MIDN: variants seen among roughly 807,000 people sequenced by gnomAD.
MIDN encodes midnolin.
In MIDN, 26 loss-of-function variants were observed where a neutral mutation model predicts 46.1. The ratio of observed to expected loss-of-function variants is 0.56; its 90% CI spans 0.41 to 0.78. The LOEUF is 0.78. Among genes scored for constraint, MIDN ranks in the 30% least tolerant of loss-of-function variants. The pLI, the probability that MIDN is intolerant of heterozygous loss-of-function variation, is 0.00. For synonymous variants in MIDN, 432 were observed against 343.3 expected, an observed-to-expected ratio of 1.26 and a Z score of -2.86; for missense variants, 850 against 771.8, an observed-to-expected ratio of 1.10 and a Z score of -1.20.
rs369704822 is a variant in MIDN at position 1,255,475 on chromosome 19, G to A, written c.1039G>A (p.Gly347Ser). The A allele has an allele frequency of 7.0e-5, 113 of 1,609,500 alleles. No individual in the cohort carries two copies. Among genetic ancestry groups the A allele is most frequent in the African/African-American group, 1.5e-4 (11 of 74,966 alleles). The change falls in exon 8 of 9, where the codon GGC becomes AGC. Residue 347 changes from glycine (G) to serine (S), a missense_variant. Transcript: ENST00000682408. Reference protein sequence around the residue: ...DSSGRPRRDIGTILQILNDLL... With the variant: ...DSSGRPRRDISTILQILNDLL... Reference sequence around the variant, plus strand: ...CAGCGGGCGGCCGCGGCGTGACATCGGCACCATCCTGCAGATCCTGAACGA... The same window carrying A: ...CAGCGGGCGGCCGCGGCGTGACATCAGCACCATCCTGCAGATCCTGAACGA...
At chr19:1,250,552 C>G in intron 2 of MIDN, 23 bp downstream of exon 2, 1 of 1,161,058 alleles carries the variant, frequency 8.6e-7, no homozygotes, top group African/African-American at 1.6e-5. Context: ...CGCCCCCGGC[C>G]GGCCGCCCCC....
intron 1 of MIDN, among the ~76,000 whole-genome samples, chr19:1,249,051 G>A: frequency 6.6e-6 from 1 of 150,922 alleles, no homozygotes. Flanking sequence ...GGGACTCCGG[G>A]CGGCGCTCCC....
chr19:1,254,924 C>T lies in MIDN; in HGVS notation c.848C>T (p.Ala283Val). Residue 283 changes from alanine (A) to valine (V), a missense_variant, in exon 7 of 9, where the codon GCC (alanine) becomes GTC (valine). Physicochemically the swap from Ala to Val is moderately conservative, Grantham distance 64. Coordinates refer to ENST00000682408, the MANE Select transcript of MIDN (RefSeq NM_001388306.1). ...CAGCAGATGGACTGCTCCCCCACGG[C>T]CAGCAGCAGTGCCAGTCCTGGTGCC... Reference protein sequence around the residue: ...CPEQMDCSPTASSSASPGAST... With the variant: ...CPEQMDCSPTVSSSASPGAST... The T allele has an allele frequency of 6.2e-7, 1 of 1,608,872 alleles. No individual in the cohort carries two copies. The highest frequency in any genetic ancestry group is 8.5e-7 in the Non-Finnish European group (1 of 1,177,650).
chr19:1,254,869 AC>A, intron 6 of MIDN, 32 bp from the exon 7 acceptor site: 2 of 1,576,924 alleles, frequency 1.3e-6, no homozygotes, highest in Non-Finnish European at 8.6e-7. Flanking sequence ...CTGATCCTGG[AC>A]CCCGTGCTCA....
intron 6 of MIDN, 115 bp from the exon 7 acceptor site, chr19:1,254,787 C>A (rs912958374): frequency 1.6e-6 from 2 of 1,248,694 alleles, no homozygotes; most frequent in Non-Finnish European, 1.1e-6. Flanking sequence ...TATCTCTAAA[C>A]CCTGTGTTGA....
chr19:1,254,128 A>G, intron 5 of MIDN, 39 bp from the exon 6 acceptor site: 4 of 1,569,168 alleles, frequency 2.5e-6, no homozygotes, highest in Middle Eastern at 2.2e-4. Context: ...GGGGCGCCGC[A>G]AGCTGGGGCT....
At chr19:1,251,951 G>T (rs748827351) in intron 4 of MIDN, 50 bp downstream of exon 4, 19 of 1,534,644 alleles carry the variant, frequency 1.2e-5, no homozygotes, top group Middle Eastern at 1.7e-4. Context: ...GGAGCAGGGT[G>T]CCTTGGCCAC....
In MIDN at chr19:1,258,166, C is replaced by G. The variant is rs890129216; in HGVS notation, c.*894C>G. The G allele has an allele frequency of 2.6e-5, 4 of 152,584 alleles. No individual in the cohort carries two copies. The highest frequency in any genetic ancestry group is 9.7e-5 in the African/African-American group (4 of 41,438). 9.5% of individuals were successfully genotyped at this position (152,584 alleles called of 1,614,324 possible). A position where few individuals can be genotyped will look rare whatever the true frequency, so the allele number is the denominator to read the frequency against. Reference sequence around the variant, plus strand: ...ATAGACTATTAATTTTCTGACTGAGCCAATAGTGGTTGGGGAACTCTTGAA... The same window carrying G: ...ATAGACTATTAATTTTCTGACTGAGGCAATAGTGGTTGGGGAACTCTTGAA... On this transcript the variant is annotated 3_prime_UTR_variant, in exon 9 of 9. Transcript: ENST00000682408.
Position 1,254,295 on chromosome 19 carries a change from T to TGCGGCCGCCGCC in MIDN, c.645_656dup (p.Ala218_Ala221dup). On this transcript the variant is annotated inframe_insertion, in exon 6 of 9. Coordinates refer to ENST00000682408, the MANE Select transcript of MIDN (RefSeq NM_001388306.1). ...TGCAACACCGCCATGTGCTGGCCGC[T>TGCGGCCGCCGCC]GCGGCCGCCGCCGCTGCTGCGCGGG... 1 of 1,569,654 alleles carries TGCGGCCGCCGCC rather than the reference T, an allele frequency of 6.4e-7. No homozygotes were observed. The highest frequency in any genetic ancestry group is 8.6e-7 in the Non-Finnish European group (1 of 1,165,414).
In MIDN at chr19:1,255,499, G is replaced by A. The variant is rs1343315031; in HGVS notation, c.1063G>A (p.Asp355Asn). ...CGGCACCATCCTGCAGATCCTGAACGACCTCCTGAGCGCCACCCGGCACTA... is the reference window on the plus strand; with the variant it reads ...CGGCACCATCCTGCAGATCCTGAACAACCTCCTGAGCGCCACCCGGCACTA... ...DIGTILQILNDLLSATRHYQG... is the reference protein window; with the variant it reads ...DIGTILQILNNLLSATRHYQG... The change falls in exon 8 of 9, where the codon GAC becomes AAC. Residue 355 changes from aspartate to asparagine, a missense_variant. Physicochemically the swap from Asp to Asn is conservative, Grantham distance 23. Coordinates refer to ENST00000682408, the MANE Select transcript of MIDN (RefSeq NM_001388306.1). 3.1e-6 allele frequency: 5 copies of A among 1,611,524 alleles called. No individual in the cohort carries two copies. The highest frequency in any genetic ancestry group is 2.2e-5 in the East Asian group (1 of 44,850).
rs751948279 is a variant in MIDN, at chr19:1,250,431, G to A, written c.135G>A (p.Leu45=). Residue 45 remains leucine, a synonymous_variant, in exon 2 of 9, where the codon CTG becomes CTA. Transcript: ENST00000682408. ...IHSTTGTRYD[L]AVPPDETVEG... ...GCACCACGGGCACCCGCTACGACCT[G>A]GCCGTGCCGCCCGACGAGACGGTGG... 1 of 1,378,466 alleles carries A rather than the reference G, an allele frequency of 7.3e-7. No homozygotes were observed. Among genetic ancestry groups the A allele is most frequent in the Non-Finnish European group, 9.6e-7 (1 of 1,044,244 alleles). 85.4% of individuals were successfully genotyped at this position (1,378,466 alleles called of 1,614,324 possible). A position where few individuals can be genotyped will look rare whatever the true frequency, so the allele number is the denominator to read the frequency against.
chr19:1,251,297 C>G, intron 2 of MIDN: 1 of 489,168 alleles, frequency 2.0e-6, no homozygotes, highest in South Asian at 2.6e-5. Context: ...GAGAAAGTGC[C>G]TGGTTGGGGT....
chr19:1,251,640 G>C lies in MIDN; in HGVS notation c.312G>C (p.Ala104=), dbSNP rs769027981. 6.2e-7 allele frequency: 1 copy of C among 1,609,026 alleles called. No homozygotes were observed. The change falls in exon 3 of 9, where the codon GCG becomes GCC. Residue 104 remains alanine, a synonymous_variant. Coordinates refer to ENST00000682408, the MANE Select transcript of MIDN (RefSeq NM_001388306.1). ...SKLTLVPTVE[A]GLMSQASRPE... is the part of the protein sequence containing the mutation. ...TGACCTTGGTACCCACCGTGGAAGC[G>C]GGCCTCATGGTAAATGGCCATGGGG...
intron 6 of MIDN, 129 bp from the exon 7 acceptor site, chr19:1,254,773 A>G: frequency 8.9e-7 from 1 of 1,129,494 alleles, no homozygotes; most frequent in Admixed American, 2.3e-5. Context: ...ACCTTGGGCT[A>G]GTTTATCTCT....
chr19:1,258,894 GT>G lies in MIDN; in HGVS notation c.*1628del, dbSNP rs1338877713. ...CCTATTTAAATGTGTGTTCTGTTTTGTTTTTTAACGATTTTTAAATAACGTC... is the reference window on the plus strand; with the variant it reads ...CCTATTTAAATGTGTGTTCTGTTTTGTTTTTAACGATTTTTAAATAACGTC... On this transcript the variant is annotated 3_prime_UTR_variant, in exon 9 of 9. Transcript: ENST00000682408. 6.6e-6 allele frequency: 1 copy of G among 151,818 alleles called. No homozygotes were observed. The highest frequency in any genetic ancestry group is 1.5e-5 in the Non-Finnish European group (1 of 67,940). The allele number at this position is 151,818 out of a possible 1,614,324, so 9.4% of individuals were successfully genotyped here. A position where few individuals can be genotyped will look rare whatever the true frequency, so the allele number is the denominator to read the frequency against.
rs552896405 is a variant in MIDN at position 1,258,122 on chromosome 19, G to C, written c.*850G>C. ...CCACTCCCGTGTTTTCTGACCTCCT[G>C]CCTGAGTTTGGGGTATTTATAGACT... On this transcript the variant is annotated 3_prime_UTR_variant, in exon 9 of 9. Coordinates refer to ENST00000682408, the MANE Select transcript of MIDN (RefSeq NM_001388306.1). 1 of 152,574 alleles carries C rather than the reference G, an allele frequency of 6.6e-6. No individual in the cohort carries two copies. The highest frequency in any genetic ancestry group is 1.5e-5 in the Non-Finnish European group (1 of 68,080). The allele number at this position is 152,574 out of a possible 1,614,324, so 9.5% of individuals were successfully genotyped here.
chr19:1,252,231 C>T (rs1168235115), intron 4 of MIDN, among the ~76,000 whole-genome samples: 1 of 152,238 alleles, frequency 6.6e-6, no homozygotes, highest in African/African-American at 2.4e-5. Context: ...CCGCCCCCAC[C>T]GAGGAGCCCC....
intron 2 of MIDN, 28 bp from the exon 3 acceptor site, chr19:1,251,534 G>C (rs1568781843): frequency 1.2e-6 from 2 of 1,603,646 alleles, no homozygotes; most frequent in African/African-American, 2.7e-5. Context: ...TCTCCGCGGA[G>C]TCTCATGCTC....
At chr19:1,251,946 A>C (rs755563936) in intron 4 of MIDN, 45 bp downstream of exon 4, 1 of 1,566,102 alleles carries the variant, frequency 6.4e-7, no homozygotes, top group Non-Finnish European at 8.8e-7. Flanking sequence ...CCCTGGGAGC[A>C]GGGTGCCTTG....
Sources: gnomAD v4.1 joint callset for allele counts (sites outside exome capture counted in the v4.1 genomes callset) on GRCh38, gnomAD v4.1.1 for gene constraint, MANE v1.5 for transcripts, NCBI Gene and HGNC (gene_info 2026-07-23, HGNC 2026-07-21) for gene names.